Variants in OTUD6B observed in about 807,000 individuals in gnomAD.
OTUD6B encodes the protein OTU deubiquitinase 6B.
In OTUD6B, 41 loss-of-function variants were observed where a neutral mutation model predicts 36.9. That is an observed-to-expected ratio of 1.11 (90% CI 0.87 to 1.44). The LOEUF (loss-of-function observed/expected upper bound fraction) is 1.44, where lower values mean the gene tolerates loss of function less well. Among genes scored for constraint, OTUD6B ranks in the 40% most tolerant of loss-of-function variants. OTUD6B has a pLI of 0.00. For missense variants in OTUD6B, 356 were observed against 344.8 expected, an observed-to-expected ratio of 1.03 and a Z score of -0.26; for synonymous variants, 114 against 114.2, an observed-to-expected ratio of 1.00 and a Z score of 0.01.
Position 91,076,694 on chromosome 8 carries a change from G to A in OTUD6B, c.316-1662G>A, listed in dbSNP as rs1334277875. ...CTTTCTGCGTGCTGTTTCCTCAGAA[G>A]AGGAAAATGAGGGGTTTTGGATTAG... On this transcript the variant is annotated intron_variant, in intron 3 of 6. Coordinates refer to ENST00000404789, the MANE Select transcript of OTUD6B (RefSeq NM_016023.5). 2.6e-5 allele frequency: 33 copies of A among 1,275,874 alleles called. No individual in the cohort carries two copies. The East Asian group carries it at 7.3e-4, about 28-fold the overall frequency. The allele number at this position is 1,275,874 out of a possible 1,614,324, so 79.0% of individuals were successfully genotyped here.
At position 91,083,990 on chromosome 8, in the gene OTUD6B, CT is replaced by C. The variant is rs752625287; in HGVS notation, c.691-11del. 5.8e-6 allele frequency: 9 copies of C among 1,541,490 alleles called. No homozygotes were observed. In the Admixed American group the frequency reaches 1.3e-4, roughly 22 times the overall value. On this transcript the variant is annotated splice_polypyrimidine_tract_variant and intron_variant, in intron 5 of 6. Coordinates refer to ENST00000404789, the MANE Select transcript of OTUD6B (RefSeq NM_016023.5). ...TACATTTTTATTTTCCTTACTGATA[CT>C]TTTTTTCTTCCTATAGCTAAGAGCT...
intron 3 of OTUD6B, 117 bp downstream of exon 3, chr8:91,074,028 G>A (rs1187175350): frequency 9.9e-6 from 6 of 606,078 alleles, no homozygotes; most frequent in Non-Finnish European, 1.7e-5. Flanking sequence ...GCAGTTCCTT[G>A]TCTAGGCACT....
intron 6 of OTUD6B, 70 bp downstream of exon 6, chr8:91,084,184 G>A: frequency 1.1e-6 from 1 of 876,066 alleles, no homozygotes. Context: ...AAAAAATTTA[G>A]ATTATATGTG....
At chr8:91,072,707 T>C (rs1812724180) in intron 2 of OTUD6B, among the ~76,000 whole-genome samples, 1 of 152,234 alleles carries the variant, frequency 6.6e-6, no homozygotes, top group South Asian at 2.1e-4. Flanking sequence ...GTGACAATTG[T>C]GTTCCTAATT....
chr8:91,070,939 G>GTTAATGAAGTT (rs1178476084), intron 1 of OTUD6B, 199 bp from the exon 2 acceptor site: 1 of 601,094 alleles, frequency 1.7e-6, no homozygotes, highest in Non-Finnish European at 2.1e-6. Context: ...TCAAGATTTT[G>GTTAATGAAGTT]TTAATGAAGT....
chr8:91,073,350 G>T (rs1040026062), intron 2 of OTUD6B, among the ~76,000 whole-genome samples: 2 of 152,110 alleles, frequency 1.3e-5, no homozygotes, highest in African/African-American at 4.8e-5. Context: ...TCAGTTTGTA[G>T]ATGGAAAAGG....
At position 91,084,031 on chromosome 8, in the gene OTUD6B, A is replaced by G; in HGVS notation, c.714A>G (p.Leu238=). 1 of 1,574,644 alleles carries G rather than the reference A, an allele frequency of 6.4e-7. No homozygotes were observed. The highest frequency in any genetic ancestry group is 8.6e-7 in the Non-Finnish European group (1 of 1,159,576). Residue 238 remains leucine (L), a synonymous_variant, in exon 6 of 7, where the codon TTA becomes TTG. Coordinates refer to ENST00000404789, the MANE Select transcript of OTUD6B (RefSeq NM_016023.5). The part of the protein sequence containing the change: ...QLELRALSHI[L]QTPIEIIQAD... ...AGCTAAGAGCTCTGTCTCACATTTTACAAACACCAATAGAGATAATACAGG... is the reference window on the plus strand; with the variant it reads ...AGCTAAGAGCTCTGTCTCACATTTTGCAAACACCAATAGAGATAATACAGG...
Position 91,085,200 on chromosome 8 carries a change from T to C in OTUD6B, c.*332T>C, listed in dbSNP as rs1012119227. The C allele has an allele frequency of 6.3e-6, 1 of 159,342 alleles. No homozygotes were observed. Among genetic ancestry groups the C allele is most frequent in the Non-Finnish European group, 1.4e-5 (1 of 73,042 alleles). The allele number at this position is 159,342 out of a possible 1,614,324, so 9.9% of individuals were successfully genotyped here. ...ATTTTCAATGTTTTTAATTCTCCCT[T>C]TTCTGCCTGTTCCTAAAAACTTTCA... On this transcript the variant is annotated 3_prime_UTR_variant, in exon 7 of 7. Transcript: ENST00000404789.
chr8:91,078,100 A>G, intron 3 of OTUD6B: 1 of 243,736 alleles, frequency 4.1e-6, no homozygotes, highest in Non-Finnish European at 6.6e-6. Flanking sequence ...GTAGCCTTTA[A>G]GTAGACTTTA....
chr8:91,075,111 A>C (rs1010006571), intron 3 of OTUD6B, among the ~76,000 whole-genome samples: 1 of 152,092 alleles, frequency 6.6e-6, no homozygotes, highest in African/African-American at 2.4e-5. Flanking sequence ...ATGCCTCTTA[A>C]AAAATTAAAC....
intron 1 of OTUD6B, 38 bp downstream of exon 1, chr8:91,070,504 G>T: frequency 6.5e-7 from 1 of 1,547,932 alleles, no homozygotes; most frequent in South Asian, 1.2e-5. Flanking sequence ...AAGCCGCCGC[G>T]ACTGGGGGAA....
In OTUD6B at chr8:91,070,584, A is replaced by G. The variant is rs970104930; in HGVS notation, c.82+118A>G. The G allele has an allele frequency of 1.6e-5, 15 of 926,856 alleles. No homozygotes were observed. The East Asian group carries it at 2.4e-4, about 15-fold the overall frequency. The allele number at this position is 926,856 out of a possible 1,614,324, so 57.4% of individuals were successfully genotyped here. ...ATCTGGATCACCCTAGACTTCCCCTAGTAGCAAGTGGCCTCTTCTCTCTTC... is the reference window on the plus strand; with the variant it reads ...ATCTGGATCACCCTAGACTTCCCCTGGTAGCAAGTGGCCTCTTCTCTCTTC... On this transcript the variant is annotated intron_variant, in intron 1 of 6. Transcript: ENST00000404789.
intron 2 of OTUD6B, among the ~76,000 whole-genome samples, chr8:91,071,910 G>C (rs1812708711): frequency 6.6e-6 from 1 of 152,134 alleles, no homozygotes; most frequent in Admixed American, 6.5e-5. Context: ...CCTGAGCAAG[G>C]TTACTTAATC....
chr8:91,086,712 T>G lies in OTUD6B; in HGVS notation c.*1844T>G. ...AATTTTGTTATATTTTTAATTTAAG[T>G]GGCCAATGTGGTTATGAACAAGATT... is the stretch of plus-strand genomic sequence containing the variant. On this transcript the variant is annotated 3_prime_UTR_variant, in exon 7 of 7. Transcript: ENST00000404789. 6.6e-6 allele frequency: 1 copy of G among 152,068 alleles called. No individual in the cohort carries two copies. Among genetic ancestry groups the G allele is most frequent in the East Asian group, 1.9e-4 (1 of 5,196 alleles). 9.4% of individuals were successfully genotyped at this position (152,068 alleles called of 1,614,324 possible). A position where few individuals can be genotyped will look rare whatever the true frequency, so the allele number is the denominator to read the frequency against.
chr8:91,078,391 A>T lies in OTUD6B; in HGVS notation c.351A>T (p.Glu117Asp), dbSNP rs1298636757. The T allele has an allele frequency of 9.4e-6, 15 of 1,590,796 alleles. No individual in the cohort carries two copies. Among genetic ancestry groups the T allele is most frequent in the Non-Finnish European group, 1.3e-5 (15 of 1,167,566 alleles). The change falls in exon 4 of 7, where the codon GAA (glutamate) becomes GAT (aspartate). Residue 117 changes from glutamate to aspartate, a missense_variant. By Grantham distance (45) the Glu-to-Asp change is conservative. Coordinates refer to ENST00000404789, the MANE Select transcript of OTUD6B (RefSeq NM_016023.5). Reference protein sequence around the residue: ...KKAALEKEREERIAEAEIENL... With the variant: ...KKAALEKEREDRIAEAEIENL... Reference sequence around the variant, plus strand: ...CTGCATTGGAAAAGGAGCGAGAAGAACGGATAGCTGAAGCTGAAATTGAAA... The same window carrying T: ...CTGCATTGGAAAAGGAGCGAGAAGATCGGATAGCTGAAGCTGAAATTGAAA...
chr8:91,084,421 T>C (rs1563584333), intron 6 of OTUD6B, among the ~76,000 whole-genome samples: 1 of 152,166 alleles, frequency 6.6e-6, no homozygotes, highest in Non-Finnish European at 1.5e-5. Context: ...TATGAAAATA[T>C]CTTACATGAT....
intron 3 of OTUD6B, among the ~76,000 whole-genome samples, chr8:91,074,358 G>T (rs568190077): frequency 6.6e-6 from 1 of 152,140 alleles, no homozygotes; most frequent in Non-Finnish European, 1.5e-5. Context: ...GAGAAATAAG[G>T]ATTTGAACCT....
rs767665903 is a variant in OTUD6B at position 91,071,290 on chromosome 8, G to T, written c.234+1G>T. On this transcript the variant is annotated splice_donor_variant, in intron 2 of 6. Coordinates refer to ENST00000404789, the MANE Select transcript of OTUD6B (RefSeq NM_016023.5). LOFTEE classifies it high-confidence loss of function. ...GAAGCTGACTACTAAGGAGAATAAG[G>T]TATGTGAAATAAATGTTTGTCGTTG... 5.0e-6 allele frequency: 8 copies of T among 1,605,080 alleles called. No individual in the cohort carries two copies. The highest frequency in any genetic ancestry group is 4.2e-6 in the Non-Finnish European group (5 of 1,176,836).
At chr8:91,080,162 A>G (rs1812874385) in intron 4 of OTUD6B, among the ~76,000 whole-genome samples, 1 of 152,134 alleles carries the variant, frequency 6.6e-6, no homozygotes, top group African/African-American at 2.4e-5. Context: ...CAAAATAACA[A>G]GTGGAGGCAC....
Sources: gnomAD v4.1 joint callset for allele counts (sites outside exome capture counted in the v4.1 genomes callset) on GRCh38, gnomAD v4.1.1 for gene constraint, MANE v1.5 for transcripts, NCBI Gene and HGNC (gene_info 2026-07-23, HGNC 2026-07-21) for gene names.